DAB1: variants seen among roughly 807,000 people sequenced by gnomAD.
DAB1 encodes the protein DAB adaptor protein 1.
In DAB1, 15 loss-of-function variants were observed where a neutral mutation model predicts 64.6. That is an observed-to-expected ratio of 0.23 (90% CI 0.16 to 0.36). DAB1 has a LOEUF of 0.36. DAB1 is among the 10% of genes least tolerant of loss of function. DAB1 has a pLI of 1.00. For missense variants in DAB1, 596 were observed against 706.7 expected, an observed-to-expected ratio of 0.84 and a Z score of 1.78; for synonymous variants, 235 against 251.9, an observed-to-expected ratio of 0.93 and a Z score of 0.64.
intron 7 of DAB1, among the ~76,000 whole-genome samples, chr1:57,567,067 G>C (rs186065104): frequency 5.1e-4 from 78 of 152,272 alleles, no homozygotes; most frequent in Admixed American, 2.0e-3. Flanking sequence ...ACATCAAAAA[G>C]CTTATCCACC....
In DAB1 at chr1:57,629,591, T is replaced by A. The variant is rs191548670; in HGVS notation, n.625+20001A>T. ...CTTTGAATTGTAATTGGCTTATTAC[T>A]AAAATGGGATAATGTGAACTAATTG... On this transcript the variant is annotated intron_variant and non_coding_transcript_variant, in intron 7 of 20. Coordinates refer to the DAB1 transcript ENST00000485760. 6.6e-3 allele frequency among the ~76,000 whole-genome samples: 1,010 copies of A among 152,280 alleles called. 30 individuals are homozygous for A. The highest frequency in any genetic ancestry group is 0.017 in the Middle Eastern group (5 of 294).
intron 3 of DAB1, among the ~76,000 whole-genome samples, chr1:58,441,283 G>A (rs763176662): frequency 1.3e-5 from 2 of 152,154 alleles, no homozygotes; most frequent in African/African-American, 4.8e-5. Context: ...CTTGCCCTCC[G>A]ACCAACAGCT....
rs559412194 is a variant in DAB1 at position 57,130,405 on chromosome 1, C to T, written c.306+6138G>A. On this transcript the variant is annotated intron_variant, in intron 4 of 14. Coordinates refer to ENST00000371236, the MANE Select transcript of DAB1 (RefSeq NM_001365792.1). The stretch of plus-strand genomic sequence containing the variant: ...ACCTTATGACCCAGAAATCCCACTA[C>T]TGCGTACATATCCAAAGAAATGAAA... 2.0e-5 allele frequency among the ~76,000 whole-genome samples: 3 copies of T among 152,218 alleles called. No homozygotes were observed. In the South Asian group the frequency reaches 6.2e-4, roughly 32 times the overall value.
chr1:58,136,310 A>T (rs1364312375), intron 5 of DAB1, among the ~76,000 whole-genome samples: 1 of 152,156 alleles, frequency 6.6e-6, no homozygotes, highest in African/African-American at 2.4e-5. Context: ...CATGCAACTT[A>T]GCCACCACTT....
intron 5 of DAB1, among the ~76,000 whole-genome samples, chr1:58,068,782 C>CCA (rs1649036427): frequency 7.5e-6 from 1 of 133,306 alleles, no homozygotes; most frequent in African/African-American, 2.9e-5. Flanking sequence ...AAAAAAAAAC[C>CCA]AAAAAAAAAA....
At chr1:57,480,008 C>T (rs61768061) in intron 7 of DAB1, among the ~76,000 whole-genome samples, 14 of 151,588 alleles carry the variant, frequency 9.2e-5, no homozygotes, top group African/African-American at 2.9e-4. Flanking sequence ...AAAAATTAGC[C>T]GGGCATGGTG....
intron 2 of DAB1, among the ~76,000 whole-genome samples, chr1:57,248,620 A>G (rs1274187902): frequency 6.6e-6 from 1 of 152,228 alleles, no homozygotes; most frequent in Non-Finnish European, 1.5e-5. Context: ...TGTTCAAAGT[A>G]TTACAGTTCC....
intron 6 of DAB1, among the ~76,000 whole-genome samples, chr1:57,812,652 G>A (rs1267597897): frequency 6.6e-6 from 1 of 152,210 alleles, no homozygotes; most frequent in Admixed American, 6.6e-5. Context: ...CTCTGAAAGT[G>A]TGTTTTTTCT....
At chr1:57,153,048 C>A (rs1269797559) in intron 2 of DAB1, among the ~76,000 whole-genome samples, 1 of 152,084 alleles carries the variant, frequency 6.6e-6, no homozygotes, top group African/African-American at 2.4e-5. Context: ...TATTTTGAGG[C>A]AGAATCTCAC....
intron 2 of DAB1, among the ~76,000 whole-genome samples, chr1:58,519,697 C>A (rs145661916): frequency 6.6e-6 from 1 of 151,870 alleles, no homozygotes; most frequent in African/African-American, 2.4e-5. Flanking sequence ...ACAACAGAAA[C>A]GGACCCAGCT....
intron 7 of DAB1, among the ~76,000 whole-genome samples, chr1:57,633,207 G>A (rs374249384): frequency 2.0e-5 from 3 of 152,188 alleles, no homozygotes; most frequent in East Asian, 3.9e-4. Context: ...TAACACTACA[G>A]GGCCAAGGCT....
intron 4 of DAB1, among the ~76,000 whole-genome samples, chr1:57,083,855 C>A (rs546062965): frequency 1.2e-3 from 178 of 152,284 alleles, no homozygotes; most frequent in Non-Finnish European, 1.6e-3. Context: ...ATGTGTGCTA[C>A]TTTCGTTAAC....
intron 2 of DAB1, among the ~76,000 whole-genome samples, chr1:57,180,216 T>G (rs4912431): frequency 0.32 from 47,964 of 151,970 alleles, 9,244 homozygotes; most frequent in Non-Finnish European, 0.42. Flanking sequence ...GAGTCTGCCC[T>G]GTGACCCCTA....
At chr1:57,880,710 C>CT (rs2101969652) in intron 1 of DAB1, 1 of 152,278 alleles carries the variant, frequency 6.6e-6, no homozygotes, top group East Asian at 1.9e-4. Context: ...TCAATTACAA[C>CT]TGAATAAAGC....
At chr1:57,012,174 T>A (rs1262317123) in intron 12 of DAB1, among the ~76,000 whole-genome samples, 1 of 152,178 alleles carries the variant, frequency 6.6e-6, no homozygotes, top group Non-Finnish European at 1.5e-5. Flanking sequence ...GCAGCTGAAT[T>A]TTCCTAATGT....
intron 2 of DAB1, among the ~76,000 whole-genome samples, chr1:57,253,097 G>C (rs1311063473): frequency 6.6e-6 from 1 of 152,162 alleles, no homozygotes; most frequent in African/African-American, 2.4e-5. Context: ...CTTGAGGCTG[G>C]GAACAGCTGG....
intron 2 of DAB1, among the ~76,000 whole-genome samples, chr1:57,215,662 T>C (rs17115394): frequency 6.6e-6 from 1 of 152,206 alleles, no homozygotes; most frequent in Admixed American, 6.5e-5. Context: ...TAGAAGGTCA[T>C]CCCACTTCGA....
At chr1:57,777,345 TA>T (rs1194805090) in intron 6 of DAB1, among the ~76,000 whole-genome samples, 2 of 151,200 alleles carry the variant, frequency 1.3e-5, no homozygotes, top group Non-Finnish European at 3.0e-5. Context: ...TCTTTGAGTT[TA>T]TAGTCAAATT....
At chr1:57,573,253 G>T (rs915410119) in intron 7 of DAB1, among the ~76,000 whole-genome samples, 2 of 151,800 alleles carry the variant, frequency 1.3e-5, no homozygotes, top group Admixed American at 6.6e-5. Flanking sequence ...CACCTGGCTG[G>T]TTTTTAAAAA....
Sources: gnomAD v4.1 joint callset for allele counts (sites outside exome capture counted in the v4.1 genomes callset) on GRCh38, gnomAD v4.1.1 for gene constraint, MANE v1.5 for transcripts, NCBI Gene and HGNC (gene_info 2026-07-23, HGNC 2026-07-21) for gene names.